Variants in PPARGC1A observed in about 807,000 individuals in gnomAD.
The protein encoded by PPARGC1A is peroxisome proliferator-activated receptor gamma coactivator 1-alpha.
PPARGC1A carries 25 observed loss-of-function variants against 88.7 expected under a neutral mutation model. That is an observed-to-expected ratio of 0.28 (90% CI 0.21 to 0.39). The LOEUF (loss-of-function observed/expected upper bound fraction) is 0.39. Among genes scored for constraint, PPARGC1A ranks in the 10% least tolerant of loss-of-function variants. The probability of loss-of-function intolerance (pLI) is 1.00; values close to 1 mark genes in which losing one functional copy is unlikely to be tolerated. For synonymous variants in PPARGC1A, 363 were observed against 355.6 expected, an observed-to-expected ratio of 1.02 and a Z score of -0.24; for missense variants, 880 against 968.7, an observed-to-expected ratio of 0.91 and a Z score of 1.22.
rs988397429 is a variant in PPARGC1A, at chr4:23,795,229, T to C, written c.*593A>G. ...ATGCCCAGACATCAGCGGCTGTCAT[T>C]TTAGGGTGGTTTGTGGTTGGTTGGT... is the stretch of plus-strand genomic sequence containing the variant. On this transcript the variant is annotated 3_prime_UTR_variant, in exon 13 of 13. Coordinates refer to ENST00000264867, the MANE Select transcript of PPARGC1A (RefSeq NM_013261.5). 4.7e-5 allele frequency: 7 copies of C among 150,450 alleles called. No individual in the cohort carries two copies. Among genetic ancestry groups the C allele is most frequent in the Non-Finnish European group, 8.9e-5 (6 of 67,518 alleles). 9.3% of individuals were successfully genotyped at this position (150,450 alleles called of 1,614,324 possible). A position where few individuals can be genotyped will look rare whatever the true frequency, so the allele number is the denominator to read the frequency against.
At chr4:24,165,931 A>C in the PPARGC1A span, among the ~76,000 whole-genome samples, 3 of 152,210 alleles carry the variant, frequency 2.0e-5, no homozygotes, top group Admixed American at 2.0e-4. Flanking sequence ...TAAATAAAAA[A>C]CCAGAAATGA....
chr4:24,121,623 G>A, the PPARGC1A span, among the ~76,000 whole-genome samples: 1 of 152,120 alleles, frequency 6.6e-6, no homozygotes, highest in Non-Finnish European at 1.5e-5. Context: ...AGGTGACCAG[G>A]GGAGAGGAAT....
At chr4:24,095,955 T>A in the PPARGC1A span, among the ~76,000 whole-genome samples, 1 of 152,128 alleles carries the variant, frequency 6.6e-6, no homozygotes. Flanking sequence ...TAACCACGAC[T>A]GAATTTTGGA....
At chr4:24,251,335 G>A in the PPARGC1A span, among the ~76,000 whole-genome samples, 2 of 152,124 alleles carry the variant, frequency 1.3e-5, no homozygotes, top group African/African-American at 4.8e-5. Flanking sequence ...GATTACATTA[G>A]TTAATATTTG....
At chr4:23,920,693 C>A in the PPARGC1A span, among the ~76,000 whole-genome samples, 1 of 152,224 alleles carries the variant, frequency 6.6e-6, no homozygotes, top group South Asian at 2.1e-4. Flanking sequence ...GCTCTATAAT[C>A]CTCACCCTCC....
chr4:24,414,699 G>T, the PPARGC1A span, among the ~76,000 whole-genome samples: 1 of 152,284 alleles, frequency 6.6e-6, no homozygotes, highest in East Asian at 1.9e-4. Flanking sequence ...GTATGCAGCT[G>T]GTGCTGAGAA....
chr4:24,462,631 T>C, the PPARGC1A span, among the ~76,000 whole-genome samples: 3 of 151,870 alleles, frequency 2.0e-5, no homozygotes, highest in Non-Finnish European at 4.4e-5. Flanking sequence ...GGTAATTTGA[T>C]GATGAAATGA....
chr4:23,905,620 G>A (rs1577714098), upstream of PPARGC1A, among the ~76,000 whole-genome samples: 1 of 152,282 alleles, frequency 6.6e-6, no homozygotes, highest in East Asian at 1.9e-4. Flanking sequence ...TTCGGTGAAT[G>A]TTTACTGTAT....
Position 23,795,684 on chromosome 4 carries a change from G to A in PPARGC1A, c.*138C>T. On this transcript the variant is annotated 3_prime_UTR_variant, in exon 13 of 13. Coordinates refer to ENST00000264867, the MANE Select transcript of PPARGC1A (RefSeq NM_013261.5). ...TTGTTGTTGTTCTTGTTGTATTGTT[G>A]TTGTTTTGTTTTGTTTTTGTACAGA... The A allele has an allele frequency of 1.7e-6, 1 of 594,344 alleles. No individual in the cohort carries two copies. The highest frequency in any genetic ancestry group is 2.9e-6 in the Non-Finnish European group (1 of 345,900). The allele number at this position is 594,344 out of a possible 1,614,324, so 36.8% of individuals were successfully genotyped here.
chr4:24,158,330 TTTTC>T, the PPARGC1A span, among the ~76,000 whole-genome samples: 4 of 152,284 alleles, frequency 2.6e-5, no homozygotes, highest in Admixed American at 1.3e-4. Flanking sequence ...CAAAATATTA[TTTTC>T]TTTGTCACTC....
the PPARGC1A span, among the ~76,000 whole-genome samples, chr4:24,288,982 GA>G: frequency 6.6e-6 from 1 of 152,164 alleles, no homozygotes; most frequent in Non-Finnish European, 1.5e-5. Flanking sequence ...AGCACTTTGG[GA>G]GGCCAAGGTG....
the PPARGC1A span, among the ~76,000 whole-genome samples, chr4:24,397,127 T>G: frequency 6.6e-6 from 1 of 152,154 alleles, no homozygotes; most frequent in East Asian, 1.9e-4. Flanking sequence ...TAATAAATTA[T>G]AGAATAAAAT....
At chr4:24,064,869 CACTT>C in the PPARGC1A span, among the ~76,000 whole-genome samples, 1 of 152,136 alleles carries the variant, frequency 6.6e-6, no homozygotes, top group Non-Finnish European at 1.5e-5. Context: ...CTCAAGGCCT[CACTT>C]ACAATCCAGG....
chr4:24,322,090 A>G, the PPARGC1A span, among the ~76,000 whole-genome samples: 1 of 152,250 alleles, frequency 6.6e-6, no homozygotes, highest in African/African-American at 2.4e-5. Flanking sequence ...TATTCCAGCT[A>G]TAATGCTGTA....
At chr4:24,329,184 G>A in the PPARGC1A span, among the ~76,000 whole-genome samples, 1 of 152,034 alleles carries the variant, frequency 6.6e-6, no homozygotes, top group African/African-American at 2.4e-5. Flanking sequence ...GGGGATAAAT[G>A]GCAACCGGTG....
chr4:24,233,501 C>T, the PPARGC1A span, among the ~76,000 whole-genome samples: 1 of 151,960 alleles, frequency 6.6e-6, no homozygotes, highest in Non-Finnish European at 1.5e-5. Context: ...GAATAGAGAA[C>T]ATTCTACACA....
chr4:24,436,943 A>AGAG, the PPARGC1A span, among the ~76,000 whole-genome samples: 1 of 152,228 alleles, frequency 6.6e-6, no homozygotes, highest in Admixed American at 6.5e-5. Context: ...CCCAGGTCGC[A>AGAG]CCCAGGAGTG....
At chr4:24,238,743 A>ATG in the PPARGC1A span, among the ~76,000 whole-genome samples, 4,629 of 118,502 alleles carry the variant, frequency 0.039, 162 homozygotes, top group Admixed American at 0.058. Flanking sequence ...CCAAGGTTGT[A>ATG]TATGTGTGTG....
At chr4:23,997,778 C>G in the PPARGC1A span, among the ~76,000 whole-genome samples, 7 of 152,084 alleles carry the variant, frequency 4.6e-5, no homozygotes, top group Non-Finnish European at 8.8e-5. Context: ...AGGCGTGAGC[C>G]ACCGTGCCTG....
Sources: allele counts gnomAD v4.1 joint callset (sites outside exome capture counted in the v4.1 genomes callset), GRCh38; gene constraint gnomAD v4.1.1; transcripts MANE v1.5; gene names NCBI Gene and HGNC (gene_info 2026-07-23, HGNC 2026-07-21).